The following ECSCR variants were observed in gnomAD, a reference collection of about 807,000 sequenced individuals.
ECSCR encodes the protein endothelial cell-specific chemotaxis regulator.
ECSCR carries 12 observed loss-of-function variants against 16.7 expected under a neutral mutation model. The ratio of observed to expected loss-of-function variants is 0.72; its 90% CI spans 0.46 to 1.17. ECSCR has a LOEUF of 1.17. Among genes scored for constraint, ECSCR ranks in the 50% most tolerant of loss-of-function variants. The probability of loss-of-function intolerance (pLI) is 0.00; values close to 1 mark genes in which losing one functional copy is unlikely to be tolerated. For missense variants in ECSCR, 122 were observed against 116.1 expected (o/e 1.05, Z -0.23); for synonymous variants, 44 against 42.2 (o/e 1.04, Z -0.17).
In ECSCR at chr5:139,457,546, T is replaced by A. The variant is rs1751185243; in HGVS notation, c.216A>T (p.Pro72=). 1 of 785,004 alleles carries A rather than the reference T, an allele frequency of 1.3e-6. No individual in the cohort carries two copies. The highest frequency in any genetic ancestry group is 1.7e-5 in the Admixed American group (1 of 59,012). The allele number at this position is 785,004 out of a possible 1,614,324, so 48.6% of individuals were successfully genotyped here. Residue 72 remains proline (P), a splice_region_variant and synonymous_variant, in exon 4 of 10, where the codon CCA becomes CCT. Coordinates refer to ENST00000618155, the MANE Select transcript of ECSCR (RefSeq NM_001077693.4). The part of the protein sequence containing the change: ...RPSHLSSTGT[P]GAGVPSSGRD... ...TTTGTAGTCTGAATGACACAGTACC[T>A]GGGGTACCAGTGCTGGACAGATGGC...
At chr5:139,455,484 G>A (rs1407026201) in intron 5 of ECSCR, 48 bp from the exon 6 acceptor site, 3 of 396,902 alleles carry the variant, frequency 7.6e-6, no homozygotes, top group Admixed American at 8.8e-5. Context: ...ACTGACACAG[G>A]GAAGCTAGAG....
rs1028924908 is a variant in ECSCR, at chr5:139,455,454, C to G, written c.263-18G>C. ...AAATGTGTCTAAAATGGAGTGGAGTCAGGGGCATCAGCGAAGGGGACTGAC... is the reference window on the plus strand; with the variant it reads ...AAATGTGTCTAAAATGGAGTGGAGTGAGGGGCATCAGCGAAGGGGACTGAC... On this transcript the variant is annotated intron_variant, in intron 5 of 9. Transcript: ENST00000618155. 3.0e-5 allele frequency: 12 copies of G among 398,214 alleles called. No homozygotes were observed. Among genetic ancestry groups the G allele is most frequent in the African/African-American group, 2.3e-4 (11 of 48,710 alleles). The allele number at this position is 398,214 out of a possible 1,614,324, so 24.7% of individuals were successfully genotyped here.
chr5:139,450,039 C>A (rs1376844286), intron 8 of ECSCR, among the ~76,000 whole-genome samples: 2 of 152,110 alleles, frequency 1.3e-5, no homozygotes, highest in East Asian at 3.9e-4. Context: ...GGATTATAGG[C>A]ACCTGCCACC....
chr5:139,450,662 G>C (rs1412192479), intron 8 of ECSCR, among the ~76,000 whole-genome samples: 1 of 151,702 alleles, frequency 6.6e-6, no homozygotes, highest in Admixed American at 6.6e-5. Context: ...TGTAGTCCCA[G>C]CTACTCGGGA....
chr5:139,449,224 TG>T, intron 8 of ECSCR, 50 bp from the exon 9 acceptor site: 2 of 1,363,864 alleles, frequency 1.5e-6, no homozygotes, highest in Non-Finnish European at 2.0e-6. Flanking sequence ...GGCAGGGCAA[TG>T]GGGAGTCAAG....
rs193210913 is a variant in ECSCR, at chr5:139,448,622, T to G, written c.*278A>C. 247 of 849,948 alleles carry G rather than the reference T, an allele frequency of 2.9e-4. 2 individuals carry two copies. The African/African-American group carries it at 4.1e-3, about 14-fold the overall frequency. 52.7% of individuals were successfully genotyped at this position (849,948 alleles called of 1,614,324 possible). A position where few individuals can be genotyped will look rare whatever the true frequency, so the allele number is the denominator to read the frequency against. On this transcript the variant is annotated 3_prime_UTR_variant, in exon 10 of 10. Transcript: ENST00000618155. The stretch of plus-strand genomic sequence containing the variant: ...TATCAATCCACCTCATCACTTTCCT[T>G]GCTCTCTCTCTGTCACCTCCTCTTT...
chr5:139,455,498 G>A (rs1169731027), intron 5 of ECSCR, 62 bp from the exon 6 acceptor site: 1 of 396,082 alleles, frequency 2.5e-6, no homozygotes, highest in African/African-American at 2.1e-5. Context: ...GCTAGAGCTA[G>A]CTTCCCTCCC....
chr5:139,458,213 G>T, intron 1 of ECSCR, 30 bp from the exon 2 acceptor site: 1 of 1,548,190 alleles, frequency 6.5e-7, no homozygotes, highest in Non-Finnish European at 8.7e-7. Context: ...ACATAGCTTG[G>T]TAAGTCCCCT....
rs1018419968 is a variant in ECSCR, at chr5:139,458,138, C to A, written c.106+1G>T. ...GAGTAGACCCATGTGTTTGGTCTTA[C>A]CCTGAGAGCTAGAGGTCTGGGTCAT... On this transcript the variant is annotated splice_donor_variant, in intron 2 of 9. Transcript: ENST00000618155. LOFTEE classifies it high-confidence loss of function. The A allele has an allele frequency of 5.8e-6, 9 of 1,549,532 alleles. No individual in the cohort carries two copies. The Admixed American group carries it at 1.8e-4, about 30-fold the overall frequency.
chr5:139,448,872 T>C lies in ECSCR; in HGVS notation c.*28A>G. On this transcript the variant is annotated 3_prime_UTR_variant, in exon 10 of 10. Coordinates refer to ENST00000618155, the MANE Select transcript of ECSCR (RefSeq NM_001077693.4). ...TAGTCACAGGGCAGCTGCATCATCC[T>C]TGGACTCATGGGGACCCAAAGTTGC... is the stretch of plus-strand genomic sequence containing the variant. The C allele has an allele frequency of 6.5e-7, 1 of 1,537,252 alleles. No homozygotes were observed. Among genetic ancestry groups the C allele is most frequent in the South Asian group, 1.2e-5 (1 of 84,062 alleles).
chr5:139,458,046 C>T (rs1041377307), intron 2 of ECSCR, 93 bp downstream of exon 2: 11 of 1,400,260 alleles, frequency 7.9e-6, no homozygotes, highest in South Asian at 2.5e-5. Flanking sequence ...CCCCAGCCCC[C>T]TGAGGTTAAG....
chr5:139,456,947 G>A (rs1176518587), intron 4 of ECSCR, among the ~76,000 whole-genome samples: 1 of 152,212 alleles, frequency 6.6e-6, no homozygotes, highest in African/African-American at 2.4e-5. Flanking sequence ...GCCCAAGTTA[G>A]GCCCAACCAG....
At chr5:139,459,154 A>C (rs1191930911) in intron 1 of ECSCR, among the ~76,000 whole-genome samples, 1 of 152,130 alleles carries the variant, frequency 6.6e-6, no homozygotes, top group Non-Finnish European at 1.5e-5. Flanking sequence ...ACACCTAGAC[A>C]AGGAAGGGCC....
In ECSCR at chr5:139,448,865, A is replaced by G; in HGVS notation, c.*35T>C. On this transcript the variant is annotated 3_prime_UTR_variant, in exon 10 of 10. Coordinates refer to ENST00000618155, the MANE Select transcript of ECSCR (RefSeq NM_001077693.4). ...CTCCTTGTAGTCACAGGGCAGCTGC[A>G]TCATCCTTGGACTCATGGGGACCCA... 6.5e-7 allele frequency: 1 copy of G among 1,537,120 alleles called. No homozygotes were observed. Among genetic ancestry groups the G allele is most frequent in the Non-Finnish European group, 8.7e-7 (1 of 1,146,874 alleles).
In ECSCR at chr5:139,448,649, C is replaced by T; in HGVS notation, c.*251G>A. 8.7e-7 allele frequency: 1 copy of T among 1,147,818 alleles called. No homozygotes were observed. Among genetic ancestry groups the T allele is most frequent in the South Asian group, 2.0e-5 (1 of 50,972 alleles). 71.1% of individuals were successfully genotyped at this position (1,147,818 alleles called of 1,614,324 possible). On this transcript the variant is annotated 3_prime_UTR_variant, in exon 10 of 10. Transcript: ENST00000618155. Reference sequence around the variant, plus strand: ...CTCTCTCTCTGTCACCTCCTCTTTCCTGTGGCTCTGAGGAGGTGGGAGAAG... The same window carrying T: ...CTCTCTCTCTGTCACCTCCTCTTTCTTGTGGCTCTGAGGAGGTGGGAGAAG...
At chr5:139,456,790 G>A (rs1431551232) in intron 4 of ECSCR, among the ~76,000 whole-genome samples, 1 of 152,134 alleles carries the variant, frequency 6.6e-6, no homozygotes. Context: ...TTTCTTTCCT[G>A]AACCAGGGTG....
chr5:139,448,909 C>G lies in ECSCR; in HGVS notation c.610-1G>C. 1 of 1,537,194 alleles carries G rather than the reference C, an allele frequency of 6.5e-7. No individual in the cohort carries two copies. The highest frequency in any genetic ancestry group is 8.7e-7 in the Non-Finnish European group (1 of 1,146,908). On this transcript the variant is annotated splice_acceptor_variant, in intron 9 of 9. Transcript: ENST00000618155. LOFTEE classifies it high-confidence loss of function. The stretch of plus-strand genomic sequence containing the variant: ...GGACCCAAAGTTGCTTTTAAAGAAC[C>G]TGCAAAATAAATGCATAATGGGGAA...
intron 8 of ECSCR, among the ~76,000 whole-genome samples, chr5:139,450,729 T>G (rs1751021673): frequency 6.6e-6 from 1 of 151,666 alleles, no homozygotes; most frequent in African/African-American, 2.4e-5. Flanking sequence ...TGAGCTGAGA[T>G]TGTACCACTG....
rs1189927429 is a variant in ECSCR, at chr5:139,457,820, A to G, written c.107-13T>C. On this transcript the variant is annotated splice_polypyrimidine_tract_variant and intron_variant, in intron 2 of 9. Transcript: ENST00000618155. ...CCGCCAAGGCCTCCTGAAACAGAACATCTGAGGCTGAGGGGTGCACCGCCT... is the reference window on the plus strand; with the variant it reads ...CCGCCAAGGCCTCCTGAAACAGAACGTCTGAGGCTGAGGGGTGCACCGCCT... 7 of 1,602,066 alleles carry G rather than the reference A, an allele frequency of 4.4e-6. No homozygotes were observed. Among genetic ancestry groups the G allele is most frequent in the Non-Finnish European group, 6.0e-6 (7 of 1,174,358 alleles).
Sources: allele counts gnomAD v4.1 joint callset (sites outside exome capture counted in the v4.1 genomes callset), GRCh38; gene constraint gnomAD v4.1.1; transcripts MANE v1.5; gene names NCBI Gene and HGNC (gene_info 2026-07-23, HGNC 2026-07-21).